Variants in LAMA1 observed in about 807,000 individuals in gnomAD.
The protein encoded by LAMA1 is laminin subunit alpha 1.
Under a neutral mutation model 348.7 loss-of-function variants are expected in LAMA1, and 219 were observed. The ratio of observed to expected loss-of-function variants is 0.63; its 90% CI spans 0.56 to 0.70. LAMA1 has a LOEUF of 0.70. LAMA1 is among the 30% of genes least tolerant of loss of function. The probability of loss-of-function intolerance (pLI) is 0.00; values close to 1 mark genes in which losing one functional copy is unlikely to be tolerated. For missense variants in LAMA1, 3,744 were observed against 3,888.0 expected, an observed-to-expected ratio of 0.96 and a Z score of 0.99; for synonymous variants, 1,487 against 1,491.0, an observed-to-expected ratio of 1.00 and a Z score of 0.06.
chr18:7,063,451 A>G (rs941300068), intron 3 of LAMA1, among the ~76,000 whole-genome samples: 1 of 152,182 alleles, frequency 6.6e-6, no homozygotes, highest in African/African-American at 2.4e-5. Flanking sequence ...GTGGTCCCTC[A>G]AAAAATTAAA....
chr18:6,982,192 AG>A (rs2057714816), intron 41 of LAMA1, among the ~76,000 whole-genome samples: 1 of 152,218 alleles, frequency 6.6e-6, no homozygotes, highest in Non-Finnish European at 1.5e-5. Context: ...AACAGACACT[AG>A]GAAGAACAGT....
rs774508530 is a variant in LAMA1 at position 7,050,897 on chromosome 18, C to A, written c.385G>T (p.Ala129Ser). ...AAAATCCAGTTTCCAGGTCGAGGGG[C>A]ATTGGCAGCTTTAATGATGACATAT... is the stretch of plus-strand genomic sequence containing the variant. ...VAYVIIKAAN[A>S]PRPGNWILER... The change falls in exon 4 of 63, where the codon GCC (alanine) becomes TCC (serine). Residue 129 changes from alanine to serine, a missense_variant. By Grantham distance (99) the Ala-to-Ser change is moderately conservative. Around this residue, in one of 3 missense-constraint regions of LAMA1, gnomAD observed 1,529 missense variants for 1,689.4 expected, o/e 0.91. Coordinates refer to ENST00000389658, the MANE Select transcript of LAMA1 (RefSeq NM_005559.4). The A allele has an allele frequency of 6.2e-7, 1 of 1,614,158 alleles. No individual in the cohort carries two copies. The highest frequency in any genetic ancestry group is 8.5e-7 in the Non-Finnish European group (1 of 1,180,032).
intron 3 of LAMA1, among the ~76,000 whole-genome samples, chr18:7,072,911 G>T (rs1471006983): frequency 6.6e-5 from 10 of 152,144 alleles, no homozygotes; most frequent in Non-Finnish European, 1.3e-4. Context: ...CTACTTCCGG[G>T]TCCTATCAGC....
intron 36 of LAMA1, among the ~76,000 whole-genome samples, chr18:6,989,798 G>A (rs2144067898): frequency 6.6e-6 from 1 of 152,268 alleles, no homozygotes; most frequent in African/African-American, 2.4e-5. Context: ...CAGTGCCCCA[G>A]GGCTGGGCTC....
chr18:6,958,538 A>G lies in LAMA1; in HGVS notation c.7903T>C (p.Ser2635Pro). 1 of 1,614,204 alleles carries G rather than the reference A, an allele frequency of 6.2e-7. No individual in the cohort carries two copies. Among genetic ancestry groups the G allele is most frequent in the Admixed American group, 1.7e-5 (1 of 60,016 alleles). Residue 2635 changes from serine to proline, a missense_variant, in exon 55 of 63, where the codon TCA (serine) becomes CCA (proline). Around this residue, in one of 3 missense-constraint regions of LAMA1, gnomAD observed 1,983 missense variants for 1,934.3 expected, o/e 1.03. Coordinates refer to ENST00000389658, the MANE Select transcript of LAMA1 (RefSeq NM_005559.4). ...AACGATCTTCTCATTGTGAGCAGTG[A>G]CGTCCCCTCTCCCTCTGGAATTCCC... Reference protein sequence around the residue: ...VGGIPEGEGTSLLTMRRSFHG... With the variant: ...VGGIPEGEGTPLLTMRRSFHG...
chr18:6,975,844 G>C, intron 45 of LAMA1, 93 bp downstream of exon 45: 1 of 1,444,598 alleles, frequency 6.9e-7, no homozygotes, highest in Non-Finnish European at 9.7e-7. Context: ...TTTCACTAAG[G>C]CCTATTTTTT....
intron 3 of LAMA1, among the ~76,000 whole-genome samples, chr18:7,058,963 C>A (rs1053784784): frequency 1.3e-5 from 2 of 152,190 alleles, no homozygotes; most frequent in African/African-American, 4.8e-5. Context: ...AATCTCGACT[C>A]ACTGCAACCT....
At chr18:7,005,820 C>T (rs927508292) in intron 29 of LAMA1, among the ~76,000 whole-genome samples, 8 of 152,056 alleles carry the variant, frequency 5.3e-5, no homozygotes, top group African/African-American at 1.9e-4. Flanking sequence ...CCCTGAAATC[C>T]CATCCTCCAA....
intron 3 of LAMA1, among the ~76,000 whole-genome samples, chr18:7,065,249 A>G (rs1268154466): frequency 6.6e-6 from 1 of 151,004 alleles, no homozygotes; most frequent in Non-Finnish European, 1.5e-5. Context: ...AAAAAAAAAA[A>G]AAAACAACGA....
rs140517171 is a variant in LAMA1 at position 6,975,657 on chromosome 18, A to G, written c.6489+280T>C. Among the ~76,000 whole-genome samples the G allele has an allele frequency of 2.8e-3, 419 of 152,122 alleles. 1 individual carries two copies. The highest frequency in any genetic ancestry group is 9.5e-3 in the African/African-American group (393 of 41,512). ...AGCTTGACAATTCTGCTACTCAGTC[A>G]CTCCAGGGGTCAACGGGGGAATCAC... On this transcript the variant is annotated intron_variant, in intron 45 of 62. Coordinates refer to ENST00000389658, the MANE Select transcript of LAMA1 (RefSeq NM_005559.4).
intron 29 of LAMA1, among the ~76,000 whole-genome samples, 190 bp from the exon 30 acceptor site, chr18:7,002,575 A>T (rs1407264140): frequency 1.3e-5 from 2 of 152,186 alleles, no homozygotes; most frequent in Non-Finnish European, 2.9e-5. Context: ...GCTTTCATTC[A>T]TCCTAAGGCT....
chr18:7,038,870 G>A lies in LAMA1; in HGVS notation c.1503C>T (p.Ser501=), dbSNP rs1395476665. 2.5e-6 allele frequency: 4 copies of A among 1,614,208 alleles called. No homozygotes were observed. Among genetic ancestry groups the A allele is most frequent in the Non-Finnish European group, 3.4e-6 (4 of 1,180,030 alleles). ...CAGAAACGCCAAAGCAGAAGCACTC[G>A]GAGCAGCCCCGGGGGTTTTTTTCCT... ...NLKEKNPRGC[S]ECFCFGVSDV... Residue 501 remains serine, a synonymous_variant, in exon 11 of 63, where the codon TCC becomes TCT. Transcript: ENST00000389658.
At chr18:7,082,262 A>G (rs1367630690) in intron 1 of LAMA1, among the ~76,000 whole-genome samples, 2 of 152,338 alleles carry the variant, frequency 1.3e-5, no homozygotes, top group East Asian at 3.9e-4. Context: ...TAATTTTGAA[A>G]CATAGCATGA....
rs1403639197 is a variant in LAMA1 at position 6,985,650 on chromosome 18, C to T, written c.5380-7G>A. On this transcript the variant is annotated splice_polypyrimidine_tract_variant and splice_region_variant and intron_variant, in intron 37 of 62. Transcript: ENST00000389658. ...GAACATGCAGCTTTTTATCCTGCAG[C>T]AGAAACGGCATTTTAAGGGTGCTTC... 1.2e-6 allele frequency: 2 copies of T among 1,603,358 alleles called. No homozygotes were observed. The highest frequency in any genetic ancestry group is 1.7e-6 in the Non-Finnish European group (2 of 1,170,556).
At chr18:7,018,336 C>CAAAAAAA (rs764975447) in intron 19 of LAMA1, among the ~76,000 whole-genome samples, 12 of 44,168 alleles carry the variant, frequency 2.7e-4, no homozygotes, top group African/African-American at 1.0e-3. Context: ...AACTCCATCT[C>CAAAAAAA]AAAAAAAAAA....
chr18:7,032,128 T>C lies in LAMA1; in HGVS notation c.2212A>G (p.Ile738Val). 1 of 1,614,188 alleles carries C rather than the reference T, an allele frequency of 6.2e-7. No homozygotes were observed. The highest frequency in any genetic ancestry group is 8.5e-7 in the Non-Finnish European group (1 of 1,180,026). Residue 738 changes from isoleucine (I) to valine (V), a missense_variant, in exon 16 of 63, where the codon ATT (isoleucine) becomes GTT (valine). Physicochemically the swap from Ile to Val is conservative, Grantham distance 29. Transcript: ENST00000389658. ...YRVDGILFGG[I>V]CQPCECHGHA... ...CCGTGGCATTCACAGGGTTGACAAA[T>C]TCCTCCAAAGAGTATTCCATCCACG...
intron 3 of LAMA1, among the ~76,000 whole-genome samples, chr18:7,057,044 G>A (rs1369201055): frequency 1.3e-5 from 2 of 151,944 alleles, no homozygotes; most frequent in Non-Finnish European, 2.9e-5. Flanking sequence ...GCTAATTTTT[G>A]TATTTTTAGT....
At chr18:6,979,999 C>T (rs1009459890) in intron 42 of LAMA1, among the ~76,000 whole-genome samples, 2 of 151,522 alleles carry the variant, frequency 1.3e-5, no homozygotes, top group Non-Finnish European at 2.9e-5. Context: ...TTCTCTGTTA[C>T]AATAAAATTA....
intron 5 of LAMA1, among the ~76,000 whole-genome samples, chr18:7,048,856 G>C (rs540451016): frequency 1.1e-4 from 17 of 152,166 alleles, no homozygotes; most frequent in South Asian, 8.3e-4. Flanking sequence ...ATGGGGACGG[G>C]GTGGGTGAGG....
Sources: gnomAD v4.1 joint callset for allele counts (sites outside exome capture counted in the v4.1 genomes callset) on GRCh38, gnomAD v4.1.1 for gene constraint, gnomAD v4.1.1 regional missense constraint, MANE v1.5 for transcripts, NCBI Gene and HGNC (gene_info 2026-07-23, HGNC 2026-07-21) for gene names.